Variants in USP46 observed in about 807,000 individuals in gnomAD.
The protein encoded by USP46 is ubiquitin carboxyl-terminal hydrolase 46.
USP46 carries 12 observed loss-of-function variants against 44.4 expected under a neutral mutation model. The observed-to-expected ratio is 0.27, with a 90% CI of 0.17 to 0.44. The LOEUF (loss-of-function observed/expected upper bound fraction) is 0.44. USP46 is among the 20% of genes least tolerant of loss of function. The probability of loss-of-function intolerance (pLI) is 1.00; values close to 1 mark genes in which losing one functional copy is unlikely to be tolerated. For missense variants in USP46, 248 were observed against 444.8 expected (o/e 0.56, Z 3.98); for synonymous variants, 155 against 161.5 (o/e 0.96, Z 0.31).
At chr4:52,623,321 T>C (rs977177069) in intron 4 of USP46, among the ~76,000 whole-genome samples, 30 of 152,194 alleles carry the variant, frequency 2.0e-4, no homozygotes, top group African/African-American at 6.8e-4. Context: ...AAAGTTATTC[T>C]GAAAATAAAC....
chr4:52,619,411 G>C (rs989781227), intron 4 of USP46, among the ~76,000 whole-genome samples: 1 of 152,206 alleles, frequency 6.6e-6, no homozygotes, highest in African/African-American at 2.4e-5. Flanking sequence ...CAATGGCAAG[G>C]TGCCCCCAGG....
intron 4 of USP46, among the ~76,000 whole-genome samples, chr4:52,619,795 A>C (rs1717313899): frequency 6.6e-6 from 1 of 152,168 alleles, no homozygotes; most frequent in South Asian, 2.1e-4. Flanking sequence ...ATATCATAGA[A>C]GGGACTCAGC....
chr4:52,639,211 C>G lies in USP46; in HGVS notation c.37-8067G>C, dbSNP rs1718237518. Among the ~76,000 whole-genome samples, 3 of 152,106 alleles carry G rather than the reference C, an allele frequency of 2.0e-5. No individual in the cohort carries two copies. In the South Asian group the frequency reaches 6.2e-4, roughly 32 times the overall value. ...AGTTTTAAATGACCATATCCTTCAA[C>G]CCTGCAATTTGACTTTTTTTATTCT... On this transcript the variant is annotated intron_variant, in intron 1 of 8. Transcript: ENST00000441222.
In USP46 at chr4:52,602,063, C is replaced by G; in HGVS notation, c.723-9G>C. 1 of 1,606,662 alleles carries G rather than the reference C, an allele frequency of 6.2e-7. No homozygotes were observed. Among genetic ancestry groups the G allele is most frequent in the Non-Finnish European group, 8.5e-7 (1 of 1,175,930 alleles). On this transcript the variant is annotated splice_polypyrimidine_tract_variant and intron_variant, in intron 6 of 8. Coordinates refer to ENST00000441222, the MANE Select transcript of USP46 (RefSeq NM_022832.4). ...GCTTTTTTACCCTCATCCTAAGAAA[C>G]CAAGAAATAGAAAATCAGTTGTACC...
chr4:52,634,024 G>A (rs1463673416), intron 1 of USP46, among the ~76,000 whole-genome samples: 1 of 152,184 alleles, frequency 6.6e-6, no homozygotes, highest in Admixed American at 6.5e-5. Context: ...ATCTGCAAGG[G>A]TCATGAGGAG....
In USP46 at chr4:52,625,919, A is replaced by G. The variant is rs1717565930; in HGVS notation, c.561+99T>C. 4.2e-6 allele frequency: 5 copies of G among 1,196,310 alleles called. No homozygotes were observed. In the Admixed American group the frequency reaches 1.0e-4, roughly 25 times the overall value. 74.1% of individuals were successfully genotyped at this position (1,196,310 alleles called of 1,614,324 possible). ...ATAGGATTATTTACATACACTGCAAATAACTGCTAAATGCTATAATACGAC... is the reference window on the plus strand; with the variant it reads ...ATAGGATTATTTACATACACTGCAAGTAACTGCTAAATGCTATAATACGAC... On this transcript the variant is annotated intron_variant, in intron 4 of 8. Coordinates refer to ENST00000441222, the MANE Select transcript of USP46 (RefSeq NM_022832.4).
chr4:52,604,835 A>G (rs973076817), intron 5 of USP46, among the ~76,000 whole-genome samples: 3 of 152,214 alleles, frequency 2.0e-5, no homozygotes, highest in African/African-American at 7.2e-5. Flanking sequence ...ACCATGAGAG[A>G]TTCAAATATA....
At position 52,626,154 on chromosome 4, in the gene USP46, T is replaced by C. The variant is rs866915730; in HGVS notation, c.425A>G (p.Gln142Arg). 1.9e-6 allele frequency: 3 copies of C among 1,613,938 alleles called. No individual in the cohort carries two copies. The Admixed American group carries it at 5.0e-5, about 27-fold the overall frequency. ...TTTTAATTTTCCATTTTGTTTTTCC[T>C]GTTTCTTCTCCTCCTGAAGGATGTC... Reference protein sequence around the residue: ...IADILQEEKKQEKQNGKLKNG... With the variant: ...IADILQEEKKREKQNGKLKNG... Residue 142 changes from glutamine to arginine, a missense_variant, in exon 4 of 9, where the codon CAG becomes CGG. By Grantham distance (43) the Gln-to-Arg change is conservative. Transcript: ENST00000441222.
intron 4 of USP46, 141 bp from the exon 5 acceptor site, chr4:52,610,758 C>T: frequency 1.5e-6 from 1 of 677,406 alleles, no homozygotes. Context: ...CTCATTGGCA[C>T]CCAGTTACCT....
intron 4 of USP46, among the ~76,000 whole-genome samples, chr4:52,625,376 A>G (rs1717541164): frequency 1.3e-5 from 2 of 152,140 alleles, no homozygotes; most frequent in Non-Finnish European, 2.9e-5. Flanking sequence ...TCCAGAGCTC[A>G]GCTCTTAAGC....
Position 52,659,173 on chromosome 4 carries a change from C to T in USP46, c.-23G>A. On this transcript the variant is annotated 5_prime_UTR_variant, in exon 1 of 9. Coordinates refer to ENST00000441222, the MANE Select transcript of USP46 (RefSeq NM_022832.4). The surrounding 1 kb of genome is among the most constrained non-coding windows in gnomAD (Gnocchi z 4.2). ...CATTAGTCTAAAGGTTGCAGCGATC[C>T]CTCACCGCCATCTTTACAAGGGGAA... The T allele has an allele frequency of 2.6e-6, 4 of 1,546,544 alleles. No homozygotes were observed. Among genetic ancestry groups the T allele is most frequent in the Non-Finnish European group, 3.5e-6 (4 of 1,146,646 alleles).
Position 52,623,003 on chromosome 4 carries a change from T to C in USP46, c.561+3015A>G, listed in dbSNP as rs1717436273. On this transcript the variant is annotated intron_variant, in intron 4 of 8. Coordinates refer to ENST00000441222, the MANE Select transcript of USP46 (RefSeq NM_022832.4). ...GTGAGACTGCAGGCCACTACTGTAC[T>C]TTAGGTAGGAGAGTAACATGGAGGA... Among the ~76,000 whole-genome samples, 4 of 152,310 alleles carry C rather than the reference T, an allele frequency of 2.6e-5. No homozygotes were observed. The South Asian group carries it at 8.3e-4, about 32-fold the overall frequency.
intron 4 of USP46, among the ~76,000 whole-genome samples, chr4:52,611,427 G>A (rs574503645): frequency 4.0e-4 from 61 of 152,294 alleles, no homozygotes; most frequent in African/African-American, 1.4e-3. Context: ...TCTTGTTCCC[G>A]GAGTAGCAGG....
chr4:52,639,299 T>A (rs1258270327), intron 1 of USP46, among the ~76,000 whole-genome samples: 1 of 152,178 alleles, frequency 6.6e-6, no homozygotes, highest in Non-Finnish European at 1.5e-5. Context: ...ATAATGTAAG[T>A]GTGGATTAAA....
intron 1 of USP46, among the ~76,000 whole-genome samples, chr4:52,634,993 T>C (rs979323664): frequency 6.6e-6 from 1 of 152,122 alleles, no homozygotes; most frequent in Non-Finnish European, 1.5e-5. Context: ...ATAGACACCC[T>C]GGATCTGGCC....
chr4:52,611,967 G>A (rs570244347), intron 4 of USP46, among the ~76,000 whole-genome samples: 19 of 152,222 alleles, frequency 1.2e-4, no homozygotes, highest in Non-Finnish European at 1.8e-4. Flanking sequence ...CGTCTCTGCC[G>A]TTTATATAAA....
chr4:52,614,834 T>C (rs1405591536), intron 4 of USP46, among the ~76,000 whole-genome samples: 1 of 152,220 alleles, frequency 6.6e-6, no homozygotes, highest in African/African-American at 2.4e-5. Context: ...AAATGTAATA[T>C]ATATAACAAC....
Position 52,595,244 on chromosome 4 carries a change from A to C in USP46, c.*2396T>G, listed in dbSNP as rs1253930741. 6.6e-6 allele frequency: 1 copy of C among 152,644 alleles called. No homozygotes were observed. Among genetic ancestry groups the C allele is most frequent in the Admixed American group, 6.5e-5 (1 of 15,284 alleles). 9.5% of individuals were successfully genotyped at this position (152,644 alleles called of 1,614,324 possible). A position where few individuals can be genotyped will look rare whatever the true frequency, so the allele number is the denominator to read the frequency against. On this transcript the variant is annotated 3_prime_UTR_variant, in exon 9 of 9. Transcript: ENST00000441222. ...CTTTACACTGTGAATGAGGGATGTA[A>C]ACTAAAAGTGTTTGCATGTTACTGT...
Position 52,597,400 on chromosome 4 carries a change from C to T in USP46, c.*240G>A, listed in dbSNP as rs17051586. The T allele has an allele frequency of 0.14, 59,814 of 414,552 alleles. 5,290 individuals are homozygous for T. The highest frequency in any genetic ancestry group is 0.32 in the African/African-American group (15,338 of 47,584). The allele number at this position is 414,552 out of a possible 1,614,324, so 25.7% of individuals were successfully genotyped here. A position where few individuals can be genotyped will look rare whatever the true frequency, so the allele number is the denominator to read the frequency against. Reference sequence around the variant, plus strand: ...TTCACCCAGTCCTAAAATTAGCAACCGTTATTCATATAAATCAGACTACAA... The same window carrying T: ...TTCACCCAGTCCTAAAATTAGCAACTGTTATTCATATAAATCAGACTACAA... On this transcript the variant is annotated 3_prime_UTR_variant, in exon 9 of 9. Transcript: ENST00000441222.
Sources: allele counts gnomAD v4.1 joint callset (sites outside exome capture counted in the v4.1 genomes callset), GRCh38; gene constraint gnomAD v4.1.1; non-coding constraint Gnocchi (gnomAD v3.1); transcripts MANE v1.5; gene names NCBI Gene and HGNC (gene_info 2026-07-23, HGNC 2026-07-21).